The following SHROOM4 variants were observed in gnomAD, a reference collection of about 807,000 sequenced individuals.
The protein encoded by SHROOM4 is shroom family member 4.
A neutral mutation model predicts 80.3 loss-of-function variants in SHROOM4; 17 were observed. That is an observed-to-expected ratio of 0.21 (90% CI 0.14 to 0.32). The LOEUF is 0.32. Among genes scored for constraint, SHROOM4 ranks in the 10% least tolerant of loss-of-function variants. The probability of loss-of-function intolerance (pLI) is 1.00; values close to 1 mark genes in which losing one functional copy is unlikely to be tolerated. For missense variants in SHROOM4, 993 were observed against 1,140.3 expected, an observed-to-expected ratio of 0.87 and a Z score of 1.86; for synonymous variants, 400 against 437.5, an observed-to-expected ratio of 0.91 and a Z score of 1.07.
chrX:50,779,494 A>G (rs1182926260), intron 1 of SHROOM4, among the ~76,000 whole-genome samples: 1 of 112,049 alleles, frequency 8.9e-6, no homozygotes, highest in African/African-American at 3.2e-5. Context: ...TGAAGTGAAC[A>G]GTTTGTAAAG....
At chrX:50,764,394 GCGAGTGGGGGGAAAAAGA>G (rs201522451) in intron 1 of SHROOM4, among the ~76,000 whole-genome samples, 10,268 of 109,300 alleles carry the variant, frequency 0.094, 1,241 homozygotes, top group African/African-American at 0.33. Flanking sequence ...AAAAGACACT[GCGAGTGGGGGGAAAAAGA>G]GCAGCCTGTC....
chrX:50,636,536 C>T lies in SHROOM4; in HGVS notation c.405-868G>A, dbSNP rs186466667. Among the ~76,000 whole-genome samples, 22 of 110,839 alleles carry T rather than the reference C, an allele frequency of 2.0e-4. No homozygotes were observed. In the East Asian group the frequency reaches 2.9e-3, roughly 14 times the overall value. ...CTTTATTTTAGATTCCGGGGGTACACGTACAGGTTTGTTACAAAGGTATAT... is the reference window on the plus strand; with the variant it reads ...CTTTATTTTAGATTCCGGGGGTACATGTACAGGTTTGTTACAAAGGTATAT... On this transcript the variant is annotated intron_variant, in intron 3 of 8. Transcript: ENST00000376020.
At chrX:50,771,770 G>A (rs1557269740) in intron 1 of SHROOM4, among the ~76,000 whole-genome samples, 1 of 112,074 alleles carries the variant, frequency 8.9e-6, no homozygotes, top group Non-Finnish European at 1.9e-5. Flanking sequence ...AGTGTGCAAA[G>A]GTGTACGTAC....
At chrX:50,704,487 A>G (rs1454109336) in intron 1 of SHROOM4, among the ~76,000 whole-genome samples, 5 of 112,191 alleles carry the variant, frequency 4.5e-5, no homozygotes. Flanking sequence ...GATGTGATTA[A>G]CTATCTGGAA....
At chrX:50,767,286 C>T (rs1425890168) in intron 1 of SHROOM4, among the ~76,000 whole-genome samples, 2 of 112,098 alleles carry the variant, frequency 1.8e-5, no homozygotes, top group Non-Finnish European at 3.8e-5. Flanking sequence ...AATAGAATGG[C>T]TAAGCAAAAT....
intron 2 of SHROOM4, among the ~76,000 whole-genome samples, chrX:50,656,053 T>A (rs782525396): frequency 2.7e-5 from 3 of 111,988 alleles, no homozygotes; most frequent in Admixed American, 9.5e-5. Flanking sequence ...CATTTATATA[T>A]CTTCTTTTGA....
At chrX:50,597,386 A>G in intron 8 of SHROOM4, among the ~76,000 whole-genome samples, 1 of 111,664 alleles carries the variant, frequency 9.0e-6, no homozygotes, top group East Asian at 2.8e-4. Flanking sequence ...GTATGTATGT[A>G]TATGTATGTA....
chrX:50,620,407 T>C (rs1032846286), intron 5 of SHROOM4, among the ~76,000 whole-genome samples: 7 of 112,146 alleles, frequency 6.2e-5, no homozygotes, highest in Non-Finnish European at 1.3e-4. Flanking sequence ...ATATATTAGA[T>C]TGGTAAACTC....
At chrX:50,712,124 C>A (rs1190987902) in intron 1 of SHROOM4, among the ~76,000 whole-genome samples, 1 of 112,226 alleles carries the variant, frequency 8.9e-6, no homozygotes, top group Non-Finnish European at 1.9e-5. Flanking sequence ...TGTTCCTCTC[C>A]CCTGTGGGAT....
intron 2 of SHROOM4, among the ~76,000 whole-genome samples, chrX:50,660,144 T>C (rs1557259822): frequency 8.9e-6 from 1 of 112,102 alleles, no homozygotes; most frequent in Non-Finnish European, 1.9e-5. Flanking sequence ...CAATGTTTAA[T>C]TGTGATAAAA....
chrX:50,772,387 T>C (rs1557269792), intron 1 of SHROOM4, among the ~76,000 whole-genome samples: 1 of 111,117 alleles, frequency 9.0e-6, no homozygotes, highest in East Asian at 2.8e-4. Context: ...GAGAAAACAC[T>C]GAAGCTTAGA....
chrX:50,643,846 C>A (rs1356479785), intron 2 of SHROOM4, among the ~76,000 whole-genome samples: 1 of 112,510 alleles, frequency 8.9e-6, no homozygotes, highest in Non-Finnish European at 1.9e-5. Context: ...AAAGATAAAG[C>A]GGGTGTCTAA....
chrX:50,576,282 C>A, the SHROOM4 span, among the ~76,000 whole-genome samples: 1 of 111,883 alleles, frequency 8.9e-6, no homozygotes. Flanking sequence ...CTGGAGAAGG[C>A]ATGAGCCTAC....
At chrX:50,791,571 G>A (rs1935851611) in intron 1 of SHROOM4, among the ~76,000 whole-genome samples, 1 of 93,968 alleles carries the variant, frequency 1.1e-5, no homozygotes, top group Non-Finnish European at 2.0e-5. Context: ...GTGCTACCAT[G>A]CCTGACTTTT....
intron 4 of SHROOM4, 22 bp downstream of exon 4, chrX:50,633,156 C>T: frequency 8.4e-7 from 1 of 1,193,849 alleles, no homozygotes; most frequent in Non-Finnish European, 1.1e-6. Flanking sequence ...GAAGGTTACC[C>T]ACCCAAGAAC....
At chrX:50,693,651 A>G (rs1228998740) in intron 2 of SHROOM4, among the ~76,000 whole-genome samples, 3 of 108,325 alleles carry the variant, frequency 2.8e-5, no homozygotes, top group Non-Finnish European at 5.7e-5. Context: ...TCATTCTGAT[A>G]CATACATATA....
chrX:50,655,644 T>C (rs1329372001), intron 2 of SHROOM4, among the ~76,000 whole-genome samples: 1 of 109,119 alleles, frequency 9.2e-6, no homozygotes, highest in Non-Finnish European at 1.9e-5. Context: ...ATTCATTCAT[T>C]TATAACACAT....
At chrX:50,718,797 A>T (rs1557265165) in intron 1 of SHROOM4, among the ~76,000 whole-genome samples, 7 of 111,370 alleles carry the variant, frequency 6.3e-5, no homozygotes, top group Non-Finnish European at 1.1e-4. Flanking sequence ...GATTACATAA[A>T]TCTCCATTTC....
chrX:50,772,169 T>C lies in SHROOM4; in HGVS notation c.117+41733A>G, dbSNP rs183232339. Reference sequence around the variant, plus strand: ...CTTCTGTGTATTTTCTAAGTTAATATTAAATCAACAAACATTATTGCTTTT... The same window carrying C: ...CTTCTGTGTATTTTCTAAGTTAATACTAAATCAACAAACATTATTGCTTTT... On this transcript the variant is annotated intron_variant, in intron 1 of 8. Coordinates refer to ENST00000376020, the MANE Select transcript of SHROOM4 (RefSeq NM_020717.5). Among the ~76,000 whole-genome samples, 682 of 111,545 alleles carry C rather than the reference T, an allele frequency of 6.1e-3. 9 individuals are homozygous for C. Among genetic ancestry groups the C allele is most frequent in the African/African-American group, 0.021 (643 of 30,680 alleles).
Sources: allele counts gnomAD v4.1 joint callset (sites outside exome capture counted in the v4.1 genomes callset), GRCh38; gene constraint gnomAD v4.1.1; transcripts MANE v1.5; gene names NCBI Gene and HGNC (gene_info 2026-07-23, HGNC 2026-07-21).